The following ANO4 variants were observed in gnomAD, a reference collection of about 807,000 sequenced individuals.
ANO4 encodes anoctamin 4, also known as anoctamin-4.
A neutral mutation model predicts 141.9 loss-of-function variants in ANO4; 69 were observed. The ratio of observed to expected loss-of-function variants is 0.49; its 90% CI spans 0.40 to 0.59. ANO4 has a LOEUF of 0.59. Ranked by LOEUF, ANO4 falls within the 20% of genes least tolerant of loss-of-function variation. ANO4 has a pLI of 0.00. For missense variants in ANO4, 894 were observed against 1,162.2 expected, an observed-to-expected ratio of 0.77 and a Z score of 3.36; for synonymous variants, 350 against 394.3, an observed-to-expected ratio of 0.89 and a Z score of 1.33.
intron 6 of ANO4, among the ~76,000 whole-genome samples, chr12:100,972,188 T>C (rs1031624374): frequency 1.3e-5 from 2 of 152,232 alleles, no homozygotes; most frequent in African/African-American, 4.8e-5. Context: ...AATAACGTAC[T>C]TTTGGTTTGC....
At chr12:101,068,656 A>G in intron 14 of ANO4, 2 of 1,316,600 alleles carry the variant, frequency 1.5e-6, no homozygotes, top group East Asian at 2.3e-5. Context: ...TGAGCAAGAG[A>G]ATGACTTCCT....
intron 14 of ANO4, chr12:101,068,570 G>A: frequency 7.2e-7 from 1 of 1,380,194 alleles, no homozygotes; most frequent in Non-Finnish European, 1.0e-6. Flanking sequence ...AGAGATGTTT[G>A]GTGGCTTCTT....
chr12:101,034,074 G>A (rs2047095450), intron 9 of ANO4, among the ~76,000 whole-genome samples: 1 of 152,202 alleles, frequency 6.6e-6, no homozygotes, highest in Non-Finnish European at 1.5e-5. Context: ...GTGGAAGACA[G>A]TGTGGGGATT....
chr12:100,953,443 G>GCAGCT (rs1459519395), intron 5 of ANO4, among the ~76,000 whole-genome samples: 3 of 152,184 alleles, frequency 2.0e-5, no homozygotes, highest in African/African-American at 4.8e-5. Context: ...AAATGATGAT[G>GCAGCT]CAGCACTGCC....
At chr12:100,733,930 G>T in intron 2 of ANO4, 1 of 648,630 alleles carries the variant, frequency 1.5e-6, no homozygotes, top group Non-Finnish European at 2.8e-6. Flanking sequence ...CAAGGGGGTG[G>T]CTGGGGAGGA....
chr12:100,719,640 A>G (rs1246904867), intron 1 of ANO4, among the ~76,000 whole-genome samples: 1 of 152,170 alleles, frequency 6.6e-6, no homozygotes, highest in East Asian at 1.9e-4. Context: ...TCTTTAGCAC[A>G]GGGGCTGCCA....
chr12:100,793,571 G>GAA (rs200580344), upstream of ANO4, among the ~76,000 whole-genome samples: 1 of 146,600 alleles, frequency 6.8e-6, no homozygotes, highest in East Asian at 2.0e-4. Context: ...AAGTCACCTG[G>GAA]AAAAAAAAAA....
chr12:101,077,120 A>G (rs631070), intron 14 of ANO4, among the ~76,000 whole-genome samples: 93,861 of 152,122 alleles, frequency 0.62, 29,321 homozygotes, highest in East Asian at 0.87. Context: ...ATTTTAGTAC[A>G]TGCTAAGCAG....
At chr12:100,736,706 G>C (rs2031634341) in intron 2 of ANO4, among the ~76,000 whole-genome samples, 1 of 152,184 alleles carries the variant, frequency 6.6e-6, no homozygotes, top group South Asian at 2.1e-4. Context: ...CTGGACTAGG[G>C]TGGGCCCTAC....
intron 5 of ANO4, among the ~76,000 whole-genome samples, chr12:100,962,524 C>T (rs1395316169): frequency 6.6e-6 from 1 of 152,192 alleles, no homozygotes; most frequent in Non-Finnish European, 1.5e-5. Context: ...TCAACTGTGT[C>T]CTCTAATCAG....
At chr12:100,764,153 A>G (rs921047616) in intron 3 of ANO4, among the ~76,000 whole-genome samples, 1 of 152,224 alleles carries the variant, frequency 6.6e-6, no homozygotes, top group Non-Finnish European at 1.5e-5. Context: ...TTTAAATGCA[A>G]TTTCATTACA....
At chr12:100,939,519 A>G (rs773983124) in intron 4 of ANO4, 68 bp downstream of exon 4, 201 of 1,548,452 alleles carry the variant, frequency 1.3e-4, no homozygotes, top group Non-Finnish European at 1.7e-4. Context: ...GCATGTTCCA[A>G]TGGACTGTTT....
At chr12:100,847,751 G>A (rs550406284) in intron 1 of ANO4, among the ~76,000 whole-genome samples, 4 of 152,342 alleles carry the variant, frequency 2.6e-5, no homozygotes, top group South Asian at 2.1e-4. Context: ...GATTACAGGC[G>A]TGAGCCAAGA....
At chr12:100,802,520 G>C (rs1593367615) in intron 1 of ANO4, among the ~76,000 whole-genome samples, 1 of 152,180 alleles carries the variant, frequency 6.6e-6, no homozygotes, top group African/African-American at 2.4e-5. Context: ...GAAGAATTTG[G>C]AGGAAGATCT....
chr12:100,849,889 C>A (rs2037779159), intron 1 of ANO4, among the ~76,000 whole-genome samples: 1 of 152,100 alleles, frequency 6.6e-6, no homozygotes. Context: ...ATCAATTGTT[C>A]TGTTAATTGT....
At chr12:101,006,646 G>A (rs2045884825) in intron 8 of ANO4, among the ~76,000 whole-genome samples, 5 of 152,198 alleles carry the variant, frequency 3.3e-5, no homozygotes, top group Admixed American at 2.0e-4. Flanking sequence ...ATGGACTAGA[G>A]CTCCTTGTAT....
At chr12:100,947,316 GACC>G (rs2042767746) in intron 5 of ANO4, among the ~76,000 whole-genome samples, 3 of 151,920 alleles carry the variant, frequency 2.0e-5, no homozygotes. Context: ...AGAAAAGAAT[GACC>G]ACAAGTATCT....
At chr12:101,045,881 T>C (rs1409255744) in intron 13 of ANO4, among the ~76,000 whole-genome samples, 1 of 152,208 alleles carries the variant, frequency 6.6e-6, no homozygotes, top group Non-Finnish European at 1.5e-5. Context: ...TCTCCTTAAG[T>C]GGATTTTTGT....
intron 1 of ANO4, among the ~76,000 whole-genome samples, chr12:100,835,657 G>A (rs1284636473): frequency 6.6e-6 from 1 of 152,124 alleles, no homozygotes; most frequent in Non-Finnish European, 1.5e-5. Context: ...TTTTCCCCAT[G>A]TGGACGGTTT....
Sources: allele counts gnomAD v4.1 joint callset (sites outside exome capture counted in the v4.1 genomes callset), GRCh38; gene constraint gnomAD v4.1.1; transcripts MANE v1.5; gene names NCBI Gene and HGNC (gene_info 2026-07-23, HGNC 2026-07-21).